SLC35F4: variants seen among roughly 807,000 people sequenced by gnomAD.
SLC35F4 encodes chromosome 14 open reading frame 36.
Under a neutral mutation model 44.2 loss-of-function variants are expected in SLC35F4, and 24 were observed. That is an observed-to-expected ratio of 0.54 (90% confidence interval 0.39 to 0.76). The LOEUF (loss-of-function observed/expected upper bound fraction) is 0.76. Ranked by LOEUF, SLC35F4 falls within the 30% of genes least tolerant of loss-of-function variation. The pLI is 0.00. For missense variants in SLC35F4, 562 were observed against 586.1 expected (o/e 0.96, Z 0.42); for synonymous variants, 238 against 223.6 (o/e 1.06, Z -0.57).
intron 1 of SLC35F4, among the ~76,000 whole-genome samples, chr14:57,856,980 A>G (rs1490455359): frequency 6.6e-6 from 1 of 152,014 alleles, no homozygotes; most frequent in African/African-American, 2.4e-5. Flanking sequence ...TTTTTTAAAA[A>G]TTGCCTTTTC....
chr14:57,774,897 C>G (rs1322133504), intron 1 of SLC35F4, among the ~76,000 whole-genome samples: 1 of 152,152 alleles, frequency 6.6e-6, no homozygotes, highest in Non-Finnish European at 1.5e-5. Flanking sequence ...TGCATGTGCA[C>G]CACGACAAGC....
At chr14:57,623,374 C>T (rs1474405778) in intron 1 of SLC35F4, among the ~76,000 whole-genome samples, 1 of 152,170 alleles carries the variant, frequency 6.6e-6, no homozygotes, top group Non-Finnish European at 1.5e-5. Flanking sequence ...AAGACTTTAA[C>T]ACCCCACTGT....
intron 4 of SLC35F4, among the ~76,000 whole-genome samples, chr14:57,575,666 G>T (rs1293287113): frequency 6.6e-6 from 1 of 152,316 alleles, no homozygotes; most frequent in East Asian, 1.9e-4. Context: ...TGAAGGAAGA[G>T]GATTTATTTA....
intron 1 of SLC35F4, among the ~76,000 whole-genome samples, chr14:57,970,311 T>G (rs1377022455): frequency 6.6e-6 from 1 of 152,124 alleles, no homozygotes; most frequent in Non-Finnish European, 1.5e-5. Context: ...AGTAAATACT[T>G]TCACCTTTTT....
At chr14:57,941,557 C>T (rs747336617) in intron 1 of SLC35F4, among the ~76,000 whole-genome samples, 3 of 152,046 alleles carry the variant, frequency 2.0e-5, no homozygotes, top group Non-Finnish European at 4.4e-5. Context: ...AGAGTAAATG[C>T]TTAATGGGCA....
chr14:57,667,263 A>T (rs1224043254), intron 1 of SLC35F4, among the ~76,000 whole-genome samples: 1 of 151,974 alleles, frequency 6.6e-6, no homozygotes, highest in Non-Finnish European at 1.5e-5. Context: ...CACTGCATAT[A>T]CTGCCAAACG....
chr14:57,908,302 A>G lies in SLC35F4; in HGVS notation n.282+73611T>C, dbSNP rs375635532. On this transcript the variant is annotated intron_variant and non_coding_transcript_variant, in intron 1 of 1. Transcript: ENST00000556568. ...GAATGATCTATATTCCTTTGGGTAT[A>G]TACCCAGCAATGGGATTGCTGAGTT... Among the ~76,000 whole-genome samples the G allele has an allele frequency of 9.8e-5, 15 of 152,346 alleles. 1 individual carries two copies. The highest frequency in any genetic ancestry group is 3.6e-4 in the African/African-American group (15 of 41,582).
chr14:57,919,795 G>C (rs17093924), intron 1 of SLC35F4, among the ~76,000 whole-genome samples: 1,731 of 152,322 alleles, frequency 0.011, 43 homozygotes, highest in African/African-American at 0.039. Context: ...GGAAGGCTGA[G>C]GGAGAGGAGA....
At chr14:57,838,918 G>T (rs937078277) in intron 1 of SLC35F4, among the ~76,000 whole-genome samples, 2 of 152,104 alleles carry the variant, frequency 1.3e-5, no homozygotes, top group Admixed American at 6.6e-5. Flanking sequence ...TAAAAAATAG[G>T]TAGGGACCAT....
intron 1 of SLC35F4, among the ~76,000 whole-genome samples, chr14:57,689,009 G>C (rs1214734016): frequency 1.3e-5 from 2 of 151,996 alleles, no homozygotes; most frequent in Non-Finnish European, 2.9e-5. Flanking sequence ...TATTTGTTAG[G>C]CAACTGCAAT....
intron 1 of SLC35F4, among the ~76,000 whole-genome samples, chr14:57,737,678 A>T (rs765822411): frequency 6.6e-6 from 1 of 152,222 alleles, no homozygotes; most frequent in Admixed American, 6.5e-5. Flanking sequence ...CGCCTGTAGT[A>T]TCATAGTCCA....
chr14:57,589,936 C>A (rs985585489), intron 2 of SLC35F4, among the ~76,000 whole-genome samples: 3 of 152,228 alleles, frequency 2.0e-5, no homozygotes, highest in African/African-American at 7.2e-5. Context: ...CTCTCTTGCT[C>A]TTCCCCTCTG....
At chr14:57,665,060 C>G (rs748558753) in intron 1 of SLC35F4, among the ~76,000 whole-genome samples, 1 of 152,064 alleles carries the variant, frequency 6.6e-6, no homozygotes, top group Non-Finnish European at 1.5e-5. Flanking sequence ...TCTAGGGACC[C>G]TCTTCCATCT....
chr14:57,699,182 T>G (rs1455077092), intron 1 of SLC35F4, among the ~76,000 whole-genome samples: 1 of 152,180 alleles, frequency 6.6e-6, no homozygotes, highest in Non-Finnish European at 1.5e-5. Flanking sequence ...TAAAGAAGAA[T>G]GTTGTTTCCA....
At chr14:57,960,636 G>A (rs1356101593) in intron 1 of SLC35F4, among the ~76,000 whole-genome samples, 1 of 152,178 alleles carries the variant, frequency 6.6e-6, no homozygotes, top group African/African-American at 2.4e-5. Flanking sequence ...AAGGATCAAA[G>A]ACTCTGGCAG....
At chr14:57,874,445 A>T (rs947675736) in intron 1 of SLC35F4, among the ~76,000 whole-genome samples, 1 of 152,202 alleles carries the variant, frequency 6.6e-6, no homozygotes, top group African/African-American at 2.4e-5. Context: ...GAAGCCTAGG[A>T]TCACTTTCTC....
At chr14:57,603,531 G>T (rs1190631156) in intron 1 of SLC35F4, among the ~76,000 whole-genome samples, 1 of 152,146 alleles carries the variant, frequency 6.6e-6, no homozygotes, top group Non-Finnish European at 1.5e-5. Flanking sequence ...GGTATGACTT[G>T]GTTTCAGCCC....
intron 4 of SLC35F4, among the ~76,000 whole-genome samples, chr14:57,575,111 G>C (rs368710675): frequency 1.3e-5 from 2 of 152,032 alleles, no homozygotes; most frequent in Non-Finnish European, 2.9e-5. Flanking sequence ...CACCTGCTCG[G>C]CTTCTGAAAA....
intron 1 of SLC35F4, among the ~76,000 whole-genome samples, chr14:57,689,743 C>T (rs1419943598): frequency 1.6e-4 from 12 of 76,452 alleles, no homozygotes; most frequent in African/African-American, 4.6e-4. Flanking sequence ...GTTGTGGGGT[C>T]GGGGGAGGGG....
Sources: gnomAD v4.1 joint callset for allele counts (sites outside exome capture counted in the v4.1 genomes callset) on GRCh38, gnomAD v4.1.1 for gene constraint, MANE v1.5 for transcripts, NCBI Gene and HGNC (gene_info 2026-07-23, HGNC 2026-07-21) for gene names.